Variants in ZBTB20 observed in about 807,000 individuals in gnomAD.
ZBTB20 encodes the protein zinc finger and BTB domain containing 20.
A neutral mutation model predicts 56.9 loss-of-function variants in ZBTB20; 9 were observed. That is an observed-to-expected ratio of 0.16 (90% CI 0.10 to 0.28). ZBTB20 has a LOEUF of 0.28. ZBTB20 is among the 10% of genes least tolerant of loss of function. The pLI is 1.00. For missense variants in ZBTB20, 655 were observed against 1,003.0 expected, an observed-to-expected ratio of 0.65 and a Z score of 4.69; for synonymous variants, 417 against 420.7, an observed-to-expected ratio of 0.99 and a Z score of 0.11.
At chr3:114,390,796 A>G (rs1422683404) in intron 7 of ZBTB20, among the ~76,000 whole-genome samples, 1 of 152,232 alleles carries the variant, frequency 6.6e-6, no homozygotes, top group Non-Finnish European at 1.5e-5. Context: ...TGAATACAAC[A>G]GGGTCTCTAA....
chr3:115,102,578 C>T (rs762612400), intron 1 of ZBTB20: 5 of 151,520 alleles, frequency 3.3e-5, no homozygotes, highest in Non-Finnish European at 7.4e-5. Flanking sequence ...TTGGTTTCTA[C>T]CAGCAGGAAT....
intron 4 of ZBTB20, among the ~76,000 whole-genome samples, chr3:114,828,211 T>C (rs549419727): frequency 1.3e-5 from 2 of 151,930 alleles, no homozygotes; most frequent in Non-Finnish European, 3.0e-5. Context: ...ATTATTCATA[T>C]GTCTCATGAC....
intron 4 of ZBTB20, among the ~76,000 whole-genome samples, chr3:114,897,710 T>C (rs1010306012): frequency 2.0e-5 from 3 of 152,130 alleles, no homozygotes; most frequent in African/African-American, 7.2e-5. Context: ...AAAAAACCGA[T>C]GTCTTTGATA....
intron 6 of ZBTB20, among the ~76,000 whole-genome samples, chr3:114,676,731 G>T (rs1392587193): frequency 6.7e-6 from 1 of 149,138 alleles, no homozygotes; most frequent in African/African-American, 2.5e-5. Context: ...AGTGCATTAT[G>T]GCATTATCTC....
chr3:114,344,515 C>T (rs781460333), intron 11 of ZBTB20, among the ~76,000 whole-genome samples: 28 of 152,178 alleles, frequency 1.8e-4, no homozygotes, highest in Non-Finnish European at 3.8e-4. Flanking sequence ...GATAGTTTTA[C>T]AGCATTCATA....
intron 6 of ZBTB20, among the ~76,000 whole-genome samples, chr3:114,672,169 T>C (rs2061392101): frequency 6.6e-6 from 1 of 152,120 alleles, no homozygotes; most frequent in African/African-American, 2.4e-5. Context: ...TGAAAAATAA[T>C]AGTCAAATTG....
intron 1 of ZBTB20, among the ~76,000 whole-genome samples, chr3:115,132,261 G>A (rs979691906): frequency 6.6e-6 from 1 of 151,766 alleles, no homozygotes; most frequent in Non-Finnish European, 1.5e-5. Context: ...TTATTAATAG[G>A]CATTTTGTAA....
intron 2 of ZBTB20, among the ~76,000 whole-genome samples, chr3:114,984,050 T>C (rs920404763): frequency 6.6e-6 from 1 of 151,976 alleles, no homozygotes; most frequent in African/African-American, 2.4e-5. Flanking sequence ...TGTATTGATA[T>C]GATACACACT....
At chr3:114,723,012 T>G (rs1921489) in intron 5 of ZBTB20, among the ~76,000 whole-genome samples, 148,040 of 152,294 alleles carry the variant, frequency 0.97, 72,074 homozygotes, top group East Asian at 1. Flanking sequence ...TTATCATTCC[T>G]ATTAATGCTG....
chr3:114,487,285 A>C (rs116269349), intron 7 of ZBTB20, among the ~76,000 whole-genome samples: 85 of 152,262 alleles, frequency 5.6e-4, no homozygotes, highest in African/African-American at 2.0e-3. Context: ...GCAGCACTAA[A>C]GCCTGGCTCA....
intron 6 of ZBTB20, among the ~76,000 whole-genome samples, chr3:114,549,923 T>C (rs1295599567): frequency 6.6e-6 from 1 of 152,080 alleles, no homozygotes; most frequent in Non-Finnish European, 1.5e-5. Flanking sequence ...AAATATTTTT[T>C]CTACTTCTAT....
intron 3 of ZBTB20, among the ~76,000 whole-genome samples, chr3:114,938,224 G>A (rs775754100): frequency 4.8e-5 from 7 of 146,214 alleles, no homozygotes; most frequent in Admixed American, 2.0e-4. Context: ...TCTGTAAGTC[G>A]CCTGTTCACT....
chr3:114,618,009 C>CAT (rs141531976), intron 6 of ZBTB20, among the ~76,000 whole-genome samples: 389 of 150,494 alleles, frequency 2.6e-3, no homozygotes, highest in African/African-American at 7.8e-3. Context: ...ACATATTTTA[C>CAT]ATATATATAT....
At chr3:114,890,009 A>G (rs2076745270) in intron 4 of ZBTB20, among the ~76,000 whole-genome samples, 1 of 152,202 alleles carries the variant, frequency 6.6e-6, no homozygotes, top group South Asian at 2.1e-4. Flanking sequence ...GAGGAAACTG[A>G]GCGTAAAAGC....
At chr3:115,065,364 C>A (rs2082169918) in intron 2 of ZBTB20, among the ~76,000 whole-genome samples, 1 of 152,126 alleles carries the variant, frequency 6.6e-6, no homozygotes, top group African/African-American at 2.4e-5. Context: ...TAAACAGGTT[C>A]TGGAGTATGA....
At chr3:114,649,942 A>T (rs1259564017) in intron 6 of ZBTB20, among the ~76,000 whole-genome samples, 1 of 151,920 alleles carries the variant, frequency 6.6e-6, no homozygotes. Context: ...ATACACTAAT[A>T]TTATTAAGGC....
intron 8 of ZBTB20, among the ~76,000 whole-genome samples, chr3:114,384,602 C>A (rs1393365395): frequency 6.6e-6 from 1 of 152,186 alleles, no homozygotes; most frequent in Non-Finnish European, 1.5e-5. Flanking sequence ...GCAAACATTT[C>A]TGTTATGAGA....
At chr3:114,999,690 T>C (rs1349096836) in intron 2 of ZBTB20, among the ~76,000 whole-genome samples, 2 of 151,686 alleles carry the variant, frequency 1.3e-5, no homozygotes, top group East Asian at 3.9e-4. Flanking sequence ...AATGAAGTGT[T>C]CTCTTTCCCA....
At chr3:115,007,601 TA>T (rs1349918230) in intron 2 of ZBTB20, among the ~76,000 whole-genome samples, 2 of 151,818 alleles carry the variant, frequency 1.3e-5, no homozygotes, top group Admixed American at 6.6e-5. Context: ...CAAATATACA[TA>T]AAAATAAGCA....
Sources: allele counts gnomAD v4.1 joint callset (sites outside exome capture counted in the v4.1 genomes callset), GRCh38; gene constraint gnomAD v4.1.1; transcripts MANE v1.5; gene names NCBI Gene and HGNC (gene_info 2026-07-23, HGNC 2026-07-21).